Variants in NAALADL2 observed in about 807,000 individuals in gnomAD.
NAALADL2 encodes the protein N-acetylated alpha-linked acidic dipeptidase like 2.
A neutral mutation model predicts 87.2 loss-of-function variants in NAALADL2; 76 were observed. The ratio of observed to expected loss-of-function variants is 0.87; its 90% CI spans 0.72 to 1.05. The LOEUF (loss-of-function observed/expected upper bound fraction) is 1.05. NAALADL2 is among the 50% of genes least tolerant of loss of function. The pLI is 0.00. For missense variants in NAALADL2, 1,089 were observed against 945.8 expected, an observed-to-expected ratio of 1.15 and a Z score of -1.99; for synonymous variants, 354 against 331.0, an observed-to-expected ratio of 1.07 and a Z score of -0.75.
chr3:174,485,749 G>A (rs1029036050), intron 1 of NAALADL2, among the ~76,000 whole-genome samples: 3 of 151,950 alleles, frequency 2.0e-5, no homozygotes, highest in African/African-American at 7.2e-5. Context: ...GAATAGTGCT[G>A]TAGTGAACAA....
At chr3:174,993,526 G>A (rs1223297629) in intron 1 of NAALADL2, among the ~76,000 whole-genome samples, 1 of 152,134 alleles carries the variant, frequency 6.6e-6, no homozygotes, top group African/African-American at 2.4e-5. Context: ...AACTAAGACA[G>A]GGGAATTGCC....
At chr3:174,462,931 A>G (rs558756771) in intron 1 of NAALADL2, among the ~76,000 whole-genome samples, 1 of 152,230 alleles carries the variant, frequency 6.6e-6, no homozygotes, top group African/African-American at 2.4e-5. Context: ...GAGTTCTGTC[A>G]TATCATTATA....
chr3:175,798,912 A>G (rs573132002), intron 13 of NAALADL2, among the ~76,000 whole-genome samples: 2 of 152,196 alleles, frequency 1.3e-5, no homozygotes, highest in East Asian at 1.9e-4. Context: ...CACATAATGT[A>G]TAGGTAGAAA....
intron 5 of NAALADL2, among the ~76,000 whole-genome samples, chr3:175,397,740 A>G (rs1769994909): frequency 6.6e-6 from 1 of 152,146 alleles, no homozygotes; most frequent in African/African-American, 2.4e-5. Context: ...TTCTGGGTCA[A>G]ATGCACACAT....
At chr3:174,712,380 C>CTTTTTTTTTT (rs1169827021) in intron 2 of NAALADL2, among the ~76,000 whole-genome samples, 8 of 70,434 alleles carry the variant, frequency 1.1e-4, no homozygotes, top group East Asian at 4.4e-4. Flanking sequence ...TTCTCCTCTT[C>CTTTTTTTTTT]TTTTTTTTTT....
chr3:175,754,371 A>G (rs1388538247), intron 12 of NAALADL2, among the ~76,000 whole-genome samples: 1 of 152,200 alleles, frequency 6.6e-6, no homozygotes, highest in Non-Finnish European at 1.5e-5. Flanking sequence ...AGTCAAAGGT[A>G]TGTCCTGTGG....
intron 1 of NAALADL2, among the ~76,000 whole-genome samples, chr3:174,919,241 T>C (rs1223593875): frequency 6.6e-6 from 1 of 152,130 alleles, no homozygotes; most frequent in African/African-American, 2.4e-5. Context: ...GCCACATTCA[T>C]TGACTTCCTT....
intron 11 of NAALADL2, among the ~76,000 whole-genome samples, chr3:175,715,923 A>G (rs1391488762): frequency 6.6e-6 from 1 of 151,754 alleles, no homozygotes; most frequent in African/African-American, 2.4e-5. Context: ...TAAATGTTTG[A>G]TGATATGGAA....
In NAALADL2 at chr3:175,374,582, A is replaced by AAAAG. The variant is rs1560454672; in HGVS notation, c.1090+50262_1090+50265dup. Among the ~76,000 whole-genome samples, 7 of 140,376 alleles carry AAAAG rather than the reference A, an allele frequency of 5.0e-5. 1 individual carries two copies. Among genetic ancestry groups the AAAAG allele is most frequent in the African/African-American group, 1.4e-4 (5 of 34,962 alleles). 92.1% of individuals were successfully genotyped at this position (140,376 alleles called of 152,430 possible). A position where few individuals can be genotyped will look rare whatever the true frequency, so the allele number is the denominator to read the frequency against. On this transcript the variant is annotated intron_variant, in intron 5 of 13. Transcript: ENST00000454872. ...AAAAAAAAAAAAAAAAAAAAAAAAA[A>AAAAG]AAAGAAAGTTATATAGGCCAGGTGT... is the stretch of plus-strand genomic sequence containing the variant.
chr3:174,552,725 G>T (rs1194400035), intron 2 of NAALADL2, among the ~76,000 whole-genome samples: 4 of 146,814 alleles, frequency 2.7e-5, no homozygotes, highest in African/African-American at 1.0e-4. Flanking sequence ...GAGCCCTGAA[G>T]GTTGAGGCTG....
At chr3:174,893,040 T>G (rs1731056920) in intron 1 of NAALADL2, among the ~76,000 whole-genome samples, 1 of 151,664 alleles carries the variant, frequency 6.6e-6, no homozygotes, top group Non-Finnish European at 1.5e-5. Flanking sequence ...AAAGAAAGGA[T>G]TCTAAAAGCA....
intron 1 of NAALADL2, among the ~76,000 whole-genome samples, chr3:175,009,964 C>T (rs538391369): frequency 6.6e-6 from 1 of 151,974 alleles, no homozygotes; most frequent in East Asian, 1.9e-4. Context: ...AATTGACTTG[C>T]TTGCTATGAT....
chr3:175,308,690 T>A (rs572378697), intron 4 of NAALADL2, among the ~76,000 whole-genome samples: 12 of 152,326 alleles, frequency 7.9e-5, no homozygotes, highest in African/African-American at 1.2e-4. Context: ...GGAATAGGGA[T>A]GCCTTTCTGG....
At chr3:175,474,312 A>G (rs1725324168) in intron 9 of NAALADL2, among the ~76,000 whole-genome samples, 1 of 152,200 alleles carries the variant, frequency 6.6e-6, no homozygotes, top group African/African-American at 2.4e-5. Flanking sequence ...ATTATGAAAT[A>G]CTGCATTTAA....
intron 1 of NAALADL2, among the ~76,000 whole-genome samples, chr3:174,883,331 C>T (rs770166887): frequency 6.6e-6 from 1 of 152,164 alleles, no homozygotes. Context: ...ACAAGTCCAC[C>T]GCTTGTCAAC....
chr3:174,983,848 A>G (rs980654630), intron 1 of NAALADL2, among the ~76,000 whole-genome samples: 2 of 152,226 alleles, frequency 1.3e-5, no homozygotes, highest in African/African-American at 4.8e-5. Flanking sequence ...ATCTCCATGA[A>G]TTAGCTAGCC....
At chr3:175,296,594 T>C (rs1756411643) in intron 4 of NAALADL2, among the ~76,000 whole-genome samples, 1 of 152,152 alleles carries the variant, frequency 6.6e-6, no homozygotes, top group South Asian at 2.1e-4. Flanking sequence ...ACCCTCCTTT[T>C]GGGAGATATA....
At chr3:174,605,955 A>G (rs1389976423) in intron 2 of NAALADL2, among the ~76,000 whole-genome samples, 3 of 151,834 alleles carry the variant, frequency 2.0e-5, no homozygotes. Flanking sequence ...ATGGCCGGAT[A>G]CTCCTCTGAG....
At chr3:174,586,484 G>T (rs1380522928) in intron 2 of NAALADL2, among the ~76,000 whole-genome samples, 7 of 152,138 alleles carry the variant, frequency 4.6e-5, no homozygotes, top group Non-Finnish European at 1.0e-4. Flanking sequence ...AACCAGCGAC[G>T]AGACCACAGG....
Sources: allele counts gnomAD v4.1 joint callset (sites outside exome capture counted in the v4.1 genomes callset), GRCh38; gene constraint gnomAD v4.1.1; transcripts MANE v1.5; gene names NCBI Gene and HGNC (gene_info 2026-07-23, HGNC 2026-07-21).